Variants in FSIP1 observed in about 807,000 individuals in gnomAD.
The protein encoded by FSIP1 is fibrous sheath-interacting protein 1.
FSIP1 carries 65 observed loss-of-function variants against 60.9 expected under a neutral mutation model. The observed-to-expected ratio is 1.07, with a 90% confidence interval of 0.87 to 1.31. The LOEUF is 1.31. Ranked by LOEUF, FSIP1 falls within the 40% of genes most tolerant of loss-of-function variation. The pLI is 0.00. For synonymous variants in FSIP1, 209 were observed against 221.2 expected (o/e 0.94, Z 0.49); for missense variants, 675 against 665.5 (o/e 1.01, Z -0.16).
chr15:39,695,409 T>A (rs897586868), intron 10 of FSIP1, among the ~76,000 whole-genome samples: 3 of 151,904 alleles, frequency 2.0e-5, no homozygotes, highest in African/African-American at 4.8e-5. Flanking sequence ...CTTGCCAAAG[T>A]ATCACATTCT....
intron 10 of FSIP1, among the ~76,000 whole-genome samples, chr15:39,661,941 C>T (rs1893312328): frequency 1.3e-5 from 2 of 152,244 alleles, no homozygotes; most frequent in African/African-American, 4.8e-5. Flanking sequence ...ACAGCATAAA[C>T]ATTGTAAAGG....
chr15:39,648,179 A>G (rs533575061), intron 10 of FSIP1, among the ~76,000 whole-genome samples: 8 of 149,544 alleles, frequency 5.3e-5, no homozygotes, highest in Non-Finnish European at 1.2e-4. Flanking sequence ...AAAAAAAAAA[A>G]GAAAAAAAAA....
intron 10 of FSIP1, among the ~76,000 whole-genome samples, chr15:39,682,342 C>T (rs188435965): frequency 6.6e-6 from 1 of 152,204 alleles, no homozygotes; most frequent in East Asian, 1.9e-4. Context: ...CCAAAACCTA[C>T]ATATTTTACT....
intron 10 of FSIP1, 100 bp downstream of exon 10, chr15:39,713,344 G>A (rs971023851): frequency 7.5e-6 from 8 of 1,073,030 alleles, no homozygotes; most frequent in African/African-American, 1.6e-5. Context: ...AGGTGGGCAG[G>A]TCACTTGAGC....
At chr15:39,699,655 C>G (rs1282902483) in intron 10 of FSIP1, among the ~76,000 whole-genome samples, 2 of 152,182 alleles carry the variant, frequency 1.3e-5, no homozygotes, top group African/African-American at 4.8e-5. Context: ...TTACTTCCTT[C>G]TATTTCCTGT....
At chr15:39,727,856 T>G (rs1362585840) in intron 8 of FSIP1, among the ~76,000 whole-genome samples, 1 of 152,192 alleles carries the variant, frequency 6.6e-6, no homozygotes, top group Admixed American at 6.5e-5. Context: ...TATCTCTGTT[T>G]GCAGACAACA....
chr15:39,683,130 A>T (rs1894231220), intron 10 of FSIP1, among the ~76,000 whole-genome samples: 1 of 152,208 alleles, frequency 6.6e-6, no homozygotes, highest in Non-Finnish European at 1.5e-5. Context: ...TAGCCCAGTG[A>T]GCCAACTGTT....
chr15:39,767,195 T>C (rs1319103999), intron 3 of FSIP1, among the ~76,000 whole-genome samples: 2 of 152,096 alleles, frequency 1.3e-5, no homozygotes, highest in Non-Finnish European at 2.9e-5. Flanking sequence ...AAGCAACTTA[T>C]CCAAAAAGGA....
chr15:39,749,927 G>GA (rs1897116096), intron 5 of FSIP1, among the ~76,000 whole-genome samples: 2 of 151,696 alleles, frequency 1.3e-5, no homozygotes, highest in Admixed American at 6.6e-5. Context: ...GATTCCACCA[G>GA]AAAAAAACTA....
At chr15:39,736,448 T>C (rs965663046) in intron 8 of FSIP1, among the ~76,000 whole-genome samples, 1 of 152,210 alleles carries the variant, frequency 6.6e-6, no homozygotes, top group Non-Finnish European at 1.5e-5. Flanking sequence ...CAGAACTTTT[T>C]TAAATAGGAG....
chr15:39,724,457 T>C (rs1566902276), intron 9 of FSIP1, among the ~76,000 whole-genome samples: 1 of 152,054 alleles, frequency 6.6e-6, no homozygotes, highest in Non-Finnish European at 1.5e-5. Context: ...TTGCACCGTG[T>C]TAGCCAAGAT....
At chr15:39,746,012 G>C (rs6492916) in intron 5 of FSIP1, among the ~76,000 whole-genome samples, 1 of 152,052 alleles carries the variant, frequency 6.6e-6, no homozygotes, top group African/African-American at 2.4e-5. Flanking sequence ...CCAGGAATTC[G>C]AGGTGGCAGC....
chr15:39,680,848 G>A (rs1894132117), intron 10 of FSIP1, among the ~76,000 whole-genome samples: 1 of 152,156 alleles, frequency 6.6e-6, no homozygotes, highest in African/African-American at 2.4e-5. Flanking sequence ...TCTCTCATTT[G>A]CTCAAGACAG....
chr15:39,779,386 T>C (rs1300892079), intron 1 of FSIP1, among the ~76,000 whole-genome samples: 1 of 152,338 alleles, frequency 6.6e-6, no homozygotes, highest in Non-Finnish European at 1.5e-5. Flanking sequence ...GTCCCCTTGC[T>C]TATCTGTATT....
intron 10 of FSIP1, among the ~76,000 whole-genome samples, chr15:39,620,757 A>AATATATATAT (rs35811726): frequency 6.9e-5 from 10 of 144,594 alleles, no homozygotes; most frequent in African/African-American, 2.5e-4. Context: ...ACACCTGGCT[A>AATATATATAT]ATATATATAT....
At chr15:39,756,864 CATT>C (rs1446166877) in intron 5 of FSIP1, among the ~76,000 whole-genome samples, 4 of 152,098 alleles carry the variant, frequency 2.6e-5, no homozygotes, top group Non-Finnish European at 5.9e-5. Flanking sequence ...GCTTTCACAT[CATT>C]AAGTCCACTG....
chr15:39,714,728 G>A (rs1895666902), intron 9 of FSIP1, among the ~76,000 whole-genome samples: 2 of 151,556 alleles, frequency 1.3e-5, no homozygotes, highest in Non-Finnish European at 2.9e-5. Context: ...CAACACTCCA[G>A]GAGGTCAAGT....
chr15:39,601,808 G>A (rs528417189), intron 11 of FSIP1, among the ~76,000 whole-genome samples: 78 of 152,320 alleles, frequency 5.1e-4, no homozygotes, highest in African/African-American at 1.5e-3. Flanking sequence ...GCCATATGCC[G>A]TATGATTCCA....
At chr15:39,615,745 A>T (rs925953767) in intron 11 of FSIP1, among the ~76,000 whole-genome samples, 10 of 131,224 alleles carry the variant, frequency 7.6e-5, no homozygotes, top group African/African-American at 2.7e-4. Context: ...AAAAAAAAAA[A>T]GTCAAACTCA....
Sources: gnomAD v4.1 joint callset for allele counts (sites outside exome capture counted in the v4.1 genomes callset) on GRCh38, gnomAD v4.1.1 for gene constraint, MANE v1.5 for transcripts, NCBI Gene and HGNC (gene_info 2026-07-23, HGNC 2026-07-21) for gene names.